Variants in FKBP11 observed in about 807,000 individuals in gnomAD.
FKBP11 encodes the protein FKBP prolyl isomerase 11.
In FKBP11, 21 loss-of-function variants were observed where a neutral mutation model predicts 24.7. The observed-to-expected ratio is 0.85, with a 90% CI of 0.60 to 1.23. The LOEUF (loss-of-function observed/expected upper bound fraction) is 1.23. FKBP11 is among the 50% of genes most tolerant of loss of function. The pLI is 0.00. For missense variants in FKBP11, 245 were observed against 248.7 expected (o/e 0.99, Z 0.10); for synonymous variants, 106 against 100.6 (o/e 1.05, Z -0.32).
chr12:48,924,779 T>C, intron 2 of FKBP11, 131 bp from the exon 3 acceptor site: 1 of 1,491,546 alleles, frequency 6.7e-7, no homozygotes, highest in African/African-American at 1.4e-5. Flanking sequence ...CTTACCGCTG[T>C]AAGGAACAGG....
At chr12:48,924,295 C>G in intron 3 of FKBP11, 39 bp from the exon 4 acceptor site, 1 of 1,613,346 alleles carries the variant, frequency 6.2e-7, no homozygotes, top group South Asian at 1.1e-5. Context: ...AAGCTATCCA[C>G]CTTCCCCAAA....
At chr12:48,932,184 T>TATATATAA in the FKBP11 span, among the ~76,000 whole-genome samples, 9 of 128,426 alleles carry the variant, frequency 7.0e-5, no homozygotes, top group African/African-American at 2.3e-4. Context: ...TATATATATA[T>TATATATAA]AATATAAACA....
upstream of FKBP11, among the ~76,000 whole-genome samples, chr12:48,930,862 C>T (rs1467332279): frequency 6.6e-6 from 1 of 152,182 alleles, no homozygotes; most frequent in Non-Finnish European, 1.5e-5. Flanking sequence ...GGTGCAGTGG[C>T]TCACGCCTGT....
chr12:48,935,939 A>C, the FKBP11 span: 1 of 152,216 alleles, frequency 6.6e-6, no homozygotes, highest in Non-Finnish European at 1.5e-5. Context: ...AACCCTTTAG[A>C]ACTAGAGGAG....
At chr12:48,926,407 T>G (rs1443309514), upstream of FKBP11, 1 of 151,384 alleles carries the variant, frequency 6.6e-6, no homozygotes, top group Non-Finnish European at 1.5e-5. Flanking sequence ...GTATTTTTAG[T>G]AGATAAGGGG....
chr12:48,932,263 T>TATATATA, the FKBP11 span, among the ~76,000 whole-genome samples: 2 of 25,074 alleles, frequency 8.0e-5, no homozygotes, highest in Non-Finnish European at 1.3e-4. Context: ...ATATATATAT[T>TATATATA]TTTTTTTTTT....
At chr12:48,923,456 T>C in intron 5 of FKBP11, 2 of 1,548,090 alleles carry the variant, frequency 1.3e-6, no homozygotes, top group Non-Finnish European at 1.7e-6. Flanking sequence ...AGCGTAGAGT[T>C]GTAGAAAAGG....
At position 48,923,122 on chromosome 12, in the gene FKBP11, T is replaced by G. The variant is rs1939872613; in HGVS notation, c.388+660A>C. The G allele has an allele frequency of 7.4e-6, 8 of 1,088,190 alleles. No homozygotes were observed. The South Asian group carries it at 1.6e-4, about 21-fold the overall frequency. 67.4% of individuals were successfully genotyped at this position (1,088,190 alleles called of 1,614,324 possible). A position where few individuals can be genotyped will look rare whatever the true frequency, so the allele number is the denominator to read the frequency against. On this transcript the variant is annotated intron_variant, in intron 5 of 5. Coordinates refer to ENST00000550765, the MANE Select transcript of FKBP11 (RefSeq NM_016594.3). Reference sequence around the variant, plus strand: ...AAGATTGCACTATTGCACTCCAGCCTGGGCAACAAGAGTGAAACTCCATCT... The same window carrying G: ...AAGATTGCACTATTGCACTCCAGCCGGGGCAACAAGAGTGAAACTCCATCT...
intron 5 of FKBP11, chr12:48,923,155 A>AC: frequency 8.9e-7 from 1 of 1,129,910 alleles, no homozygotes; most frequent in Non-Finnish European, 1.1e-6. Context: ...TCTCAAAAAA[A>AC]AAAAAAGAAT....
At chr12:48,927,341 A>G (rs1315319000), upstream of FKBP11, among the ~76,000 whole-genome samples, 1 of 151,522 alleles carries the variant, frequency 6.6e-6, no homozygotes, top group Non-Finnish European at 1.5e-5. Context: ...TCTCATTTGT[A>G]TTGTTTAAAA....
chr12:48,924,722 A>G, intron 2 of FKBP11, 74 bp from the exon 3 acceptor site: 1 of 1,583,644 alleles, frequency 6.3e-7, no homozygotes, highest in Non-Finnish European at 8.6e-7. Flanking sequence ...ACACACCTGG[A>G]CCGCTGGGCG....
At position 48,923,781 on chromosome 12, in the gene FKBP11, C is replaced by T; in HGVS notation, c.388+1G>A. On this transcript the variant is annotated splice_donor_variant, in intron 5 of 5. Coordinates refer to ENST00000550765, the MANE Select transcript of FKBP11 (RefSeq NM_016594.3). LOFTEE classifies it high-confidence loss of function. Reference sequence around the variant, plus strand: ...CTGAGAGAGAGTCCTAGTCAGATTACCTGGGACAGATGGTGGAAATCCCCG... The same window carrying T: ...CTGAGAGAGAGTCCTAGTCAGATTATCTGGGACAGATGGTGGAAATCCCCG... 1.2e-6 allele frequency: 2 copies of T among 1,613,622 alleles called. No individual in the cohort carries two copies. Among genetic ancestry groups the T allele is most frequent in the South Asian group, 1.1e-5 (1 of 91,058 alleles).
At chr12:48,935,004 AC>A in the FKBP11 span, among the ~76,000 whole-genome samples, 1 of 132,878 alleles carries the variant, frequency 7.5e-6, no homozygotes. Context: ...GGGCAACAAG[AC>A]CAAATTCCGT....
At chr12:48,932,284 T>A in the FKBP11 span, among the ~76,000 whole-genome samples, 2 of 60,022 alleles carry the variant, frequency 3.3e-5, no homozygotes, top group Non-Finnish European at 6.9e-5. Flanking sequence ...TTTTTTTTTT[T>A]TTTTTTCTTA....
chr12:48,934,612 T>G, the FKBP11 span, among the ~76,000 whole-genome samples: 2 of 152,160 alleles, frequency 1.3e-5, no homozygotes, highest in East Asian at 3.9e-4. Context: ...TTCCCCAAGT[T>G]GTTCAGGGGT....
rs1355273476 is a variant in FKBP11, at chr12:48,925,477, T to C, written c.-49A>G. 5 of 1,527,252 alleles carry C rather than the reference T, an allele frequency of 3.3e-6. No homozygotes were observed. The Admixed American group carries it at 7.9e-5, about 24-fold the overall frequency. 94.6% of individuals were successfully genotyped at this position (1,527,252 alleles called of 1,614,324 possible). ...GGGGCACCAGGACAGGCTGTTCGGGTGGCGGCAGCCAGGACAGCGTTCCCG... is the reference window on the plus strand; with the variant it reads ...GGGGCACCAGGACAGGCTGTTCGGGCGGCGGCAGCCAGGACAGCGTTCCCG... On this transcript the variant is annotated 5_prime_UTR_variant, in exon 1 of 6. Transcript: ENST00000550765.
chr12:48,933,781 C>T, the FKBP11 span, among the ~76,000 whole-genome samples: 2 of 150,328 alleles, frequency 1.3e-5, no homozygotes, highest in South Asian at 2.1e-4. Context: ...GCACAAGAAT[C>T]GCTTGAACCT....
chr12:48,923,615 TATG>T (rs1939885713), intron 5 of FKBP11, 164 bp downstream of exon 5: 1 of 1,555,096 alleles, frequency 6.4e-7, no homozygotes, highest in Non-Finnish European at 8.7e-7. Context: ...CTGTTGGTGA[TATG>T]AGGAGGAAAA....
rs1939945951 is a variant in FKBP11 at position 48,925,490 on chromosome 12, G to C, written c.-62C>G. 3 of 1,513,276 alleles carry C rather than the reference G, an allele frequency of 2.0e-6. No individual in the cohort carries two copies. Among genetic ancestry groups the C allele is most frequent in the Non-Finnish European group, 1.8e-6 (2 of 1,130,934 alleles). 93.7% of individuals were successfully genotyped at this position (1,513,276 alleles called of 1,614,324 possible). A position where few individuals can be genotyped will look rare whatever the true frequency, so the allele number is the denominator to read the frequency against. On this transcript the variant is annotated 5_prime_UTR_variant, in exon 1 of 6. Coordinates refer to ENST00000550765, the MANE Select transcript of FKBP11 (RefSeq NM_016594.3). ...AGGCTGTTCGGGTGGCGGCAGCCAG[G>C]ACAGCGTTCCCGCGGCGCCCAGGCC... is the stretch of plus-strand genomic sequence containing the variant.
Sources: gnomAD v4.1 joint callset for allele counts (sites outside exome capture counted in the v4.1 genomes callset) on GRCh38, gnomAD v4.1.1 for gene constraint, MANE v1.5 for transcripts, NCBI Gene and HGNC (gene_info 2026-07-23, HGNC 2026-07-21) for gene names.